Variants in PPP1R2 observed in about 807,000 individuals in gnomAD.
PPP1R2 encodes the protein protein phosphatase inhibitor 2.
PPP1R2 carries 16 observed loss-of-function variants against 29.9 expected under a neutral mutation model. The ratio of observed to expected loss-of-function variants is 0.53; its 90% CI spans 0.36 to 0.81. PPP1R2 has a LOEUF of 0.81. Ranked by LOEUF, PPP1R2 falls within the 30% of genes least tolerant of loss-of-function variation. PPP1R2 has a pLI of 0.00. For missense variants in PPP1R2, 197 were observed against 252.7 expected, an observed-to-expected ratio of 0.78 and a Z score of 1.49; for synonymous variants, 76 against 91.5, an observed-to-expected ratio of 0.83 and a Z score of 0.96.
intron 4 of PPP1R2, among the ~76,000 whole-genome samples, chr3:195,521,401 A>G (rs1718758188): frequency 6.6e-6 from 1 of 151,388 alleles, no homozygotes; most frequent in Non-Finnish European, 1.5e-5. Flanking sequence ...ACATTCTGCC[A>G]TAATGATTTA....
At chr3:195,526,712 T>C (rs1718984808) in intron 2 of PPP1R2, among the ~76,000 whole-genome samples, 1 of 152,152 alleles carries the variant, frequency 6.6e-6, no homozygotes, top group Non-Finnish European at 1.5e-5. Flanking sequence ...CCTCCAGGGC[T>C]CAGACAGTCC....
chr3:195,532,220 T>TTC (rs1553886659), intron 1 of PPP1R2, among the ~76,000 whole-genome samples: 6 of 145,116 alleles, frequency 4.1e-5, no homozygotes, highest in South Asian at 2.2e-4. Context: ...TTTTTCTTTT[T>TTC]TTTTTTTTTT....
At chr3:195,528,481 T>G (rs1719057025) in intron 2 of PPP1R2, among the ~76,000 whole-genome samples, 1 of 152,122 alleles carries the variant, frequency 6.6e-6, no homozygotes, top group South Asian at 2.1e-4. Flanking sequence ...TTACTGTTTT[T>G]GTTAGTAACA....
chr3:195,542,812 G>C, intron 1 of PPP1R2, 92 bp downstream of exon 1: 3 of 1,405,226 alleles, frequency 2.1e-6, no homozygotes, highest in Admixed American at 2.9e-5. Context: ...CACCCGAGCC[G>C]CATCCACGCC....
intron 3 of PPP1R2, among the ~76,000 whole-genome samples, chr3:195,524,358 C>T (rs550049105): frequency 6.6e-6 from 1 of 152,146 alleles, no homozygotes; most frequent in Non-Finnish European, 1.5e-5. Flanking sequence ...ACTGTCTCTA[C>T]TAAAAATACA....
At chr3:195,518,470 T>C (rs1365187457) in intron 5 of PPP1R2, among the ~76,000 whole-genome samples, 1 of 151,820 alleles carries the variant, frequency 6.6e-6, no homozygotes, top group Non-Finnish European at 1.5e-5. Context: ...GCTAACATGG[T>C]GAAACCCCAT....
chr3:195,517,802 A>G (rs543651194), intron 5 of PPP1R2, among the ~76,000 whole-genome samples: 2 of 152,318 alleles, frequency 1.3e-5, no homozygotes, highest in South Asian at 4.1e-4. Flanking sequence ...CAAGTTAAAT[A>G]TAAGTTAAAC....
intron 1 of PPP1R2, among the ~76,000 whole-genome samples, chr3:195,538,884 C>G (rs1238706009): frequency 6.6e-6 from 1 of 152,160 alleles, no homozygotes; most frequent in African/African-American, 2.4e-5. Context: ...GAATAATTCA[C>G]TGAAAATCAC....
chr3:195,535,603 G>GA, intron 1 of PPP1R2, among the ~76,000 whole-genome samples: 1 of 152,170 alleles, frequency 6.6e-6, no homozygotes, highest in East Asian at 1.9e-4. Flanking sequence ...CACACCAGAG[G>GA]AATTAACAGA....
rs145496468 is a variant in PPP1R2 at position 195,530,231 on chromosome 3, G to A, written c.123-330C>T. Among the ~76,000 whole-genome samples, 1,421 of 152,242 alleles carry A rather than the reference G, an allele frequency of 9.3e-3. 19 individuals carry two copies. The highest frequency in any genetic ancestry group is 0.032 in the African/African-American group (1,318 of 41,548). On this transcript the variant is annotated intron_variant, in intron 1 of 5. Transcript: ENST00000618156. ...AATGCAAGTCAAAATCTATACATTC[G>A]CTGAAGTCAGTAGGCATTTTTGATC...
intron 1 of PPP1R2, among the ~76,000 whole-genome samples, chr3:195,537,519 G>GTGTGTGTGTGTGTT: frequency 6.7e-6 from 1 of 150,166 alleles, no homozygotes; most frequent in Non-Finnish European, 1.5e-5. Context: ...GTGTGTGTGT[G>GTGTGTGTGTGTGTT]TTTCCATTTC....
chr3:195,541,896 A>G (rs930989654), intron 1 of PPP1R2, among the ~76,000 whole-genome samples: 1 of 152,182 alleles, frequency 6.6e-6, no homozygotes, highest in African/African-American at 2.4e-5. Context: ...ACCACCACCA[A>G]GCAGTAGTTC....
chr3:195,540,645 T>C (rs1223819843), intron 1 of PPP1R2, among the ~76,000 whole-genome samples: 2 of 152,120 alleles, frequency 1.3e-5, no homozygotes, highest in African/African-American at 4.8e-5. Context: ...CACGGATTAA[T>C]GGGTTATCAA....
intron 2 of PPP1R2, among the ~76,000 whole-genome samples, chr3:195,527,187 A>G (rs1017364928): frequency 1.3e-5 from 2 of 151,758 alleles, no homozygotes; most frequent in African/African-American, 4.8e-5. Flanking sequence ...GTGGTGGCTC[A>G]TGCCTGTAAT....
rs1553884835 is a variant in PPP1R2, at chr3:195,515,769, A to AAC, written c.*1126_*1127insGT. 1.3e-5 allele frequency: 2 copies of AAC among 152,042 alleles called. No individual in the cohort carries two copies. The highest frequency in any genetic ancestry group is 4.8e-5 in the African/African-American group (2 of 41,416). 9.4% of individuals were successfully genotyped at this position (152,042 alleles called of 1,614,324 possible). The stretch of plus-strand genomic sequence containing the variant: ...AACCCTCAAAAAACAAACAAAAAAA[A>AAC]CCCTCAGTTAGTTGTTTTCTTAAGT... On this transcript the variant is annotated 3_prime_UTR_variant, in exon 6 of 6. Coordinates refer to ENST00000618156, the MANE Select transcript of PPP1R2 (RefSeq NM_006241.8).
chr3:195,540,245 T>TG (rs1327002083), intron 1 of PPP1R2, among the ~76,000 whole-genome samples: 3 of 152,182 alleles, frequency 2.0e-5, no homozygotes, highest in African/African-American at 7.2e-5. Flanking sequence ...TGTTCCCAGA[T>TG]GGGGTCAAAC....
intron 1 of PPP1R2, among the ~76,000 whole-genome samples, chr3:195,539,070 C>T (rs188390115): frequency 1.2e-4 from 18 of 152,322 alleles, no homozygotes; most frequent in Admixed American, 9.2e-4. Context: ...TGAAAAAGAA[C>T]ATGTCTTAAA....
At chr3:195,516,982 T>A (rs1444803999) in intron 5 of PPP1R2, 40 bp from the exon 6 acceptor site, 1 of 1,558,538 alleles carries the variant, frequency 6.4e-7, no homozygotes, top group Admixed American at 1.7e-5. Flanking sequence ...ATTTGTTATA[T>A]GTTGTCAACC....
At chr3:195,520,068 T>C (rs1366026316) in intron 4 of PPP1R2, among the ~76,000 whole-genome samples, 2 of 152,040 alleles carry the variant, frequency 1.3e-5, no homozygotes, top group Non-Finnish European at 2.9e-5. Context: ...TGGAGTGCAA[T>C]GTGCAATCTT....
Sources: gnomAD v4.1 joint callset for allele counts (sites outside exome capture counted in the v4.1 genomes callset) on GRCh38, gnomAD v4.1.1 for gene constraint, MANE v1.5 for transcripts, NCBI Gene and HGNC (gene_info 2026-07-23, HGNC 2026-07-21) for gene names.